Variants in RCAN2 observed in about 807,000 individuals in gnomAD.
The protein encoded by RCAN2 is regulator of calcineurin 2.
A neutral mutation model predicts 23.6 loss-of-function variants in RCAN2; 9 were observed. The observed-to-expected ratio is 0.38, with a 90% CI of 0.23 to 0.67. RCAN2 has a LOEUF of 0.67. Ranked by LOEUF, RCAN2 falls within the 30% of genes least tolerant of loss-of-function variation. The pLI, the probability that RCAN2 is intolerant of heterozygous loss-of-function variation, is 0.51. For synonymous variants in RCAN2, 109 were observed against 115.7 expected (o/e 0.94, Z 0.37); for missense variants, 273 against 302.3 (o/e 0.90, Z 0.72).
Position 46,247,050 on chromosome 6 carries a change from A to G in RCAN2, c.400-131T>C, listed in dbSNP as rs114374252. 0.012 allele frequency: 7,862 copies of G among 680,968 alleles called. 468 individuals are homozygous for G. The African/African-American group carries it at 0.12, about 11-fold the overall frequency. The allele number at this position is 680,968 out of a possible 1,614,324, so 42.2% of individuals were successfully genotyped here. On this transcript the variant is annotated intron_variant, in intron 3 of 4. Coordinates refer to ENST00000371374, the MANE Select transcript of RCAN2 (RefSeq NM_001251974.2). ...GATGAACCCGACCGTAATAATAATT[A>G]CCACTTACCACATACCATGTGCTCA...
intron 2 of RCAN2, among the ~76,000 whole-genome samples, chr6:46,315,479 G>A (rs988299634): frequency 4.6e-5 from 7 of 152,106 alleles, no homozygotes; most frequent in African/African-American, 1.4e-4. Flanking sequence ...CCAGAAGGAA[G>A]AAGATTCCAG....
chr6:46,329,392 C>A (rs1004279451), intron 2 of RCAN2, among the ~76,000 whole-genome samples: 4 of 152,146 alleles, frequency 2.6e-5, no homozygotes, highest in East Asian at 1.9e-4. Flanking sequence ...TCATTTATTT[C>A]TTTATGTGTC....
intron 2 of RCAN2, among the ~76,000 whole-genome samples, chr6:46,389,110 C>T (rs769160120): frequency 1.6e-4 from 25 of 152,074 alleles, no homozygotes; most frequent in Admixed American, 9.2e-4. Flanking sequence ...GCAGGTCAGA[C>T]GAATACTATC....
At chr6:46,278,408 A>AC (rs1561839815) in intron 2 of RCAN2, among the ~76,000 whole-genome samples, 5 of 151,782 alleles carry the variant, frequency 3.3e-5, no homozygotes, top group African/African-American at 1.2e-4. Flanking sequence ...CACAAAAAAA[A>AC]CCCACACACT....
At chr6:46,233,807 A>G (rs533961865) in intron 4 of RCAN2, among the ~76,000 whole-genome samples, 3 of 148,530 alleles carry the variant, frequency 2.0e-5, no homozygotes, top group African/African-American at 7.5e-5. Flanking sequence ...GGCTCACCGC[A>G]ACCTCTGCCT....
Position 46,235,763 on chromosome 6 carries a change from C to T in RCAN2, c.571+10985G>A, listed in dbSNP as rs79783823. 9.9e-5 allele frequency among the ~76,000 whole-genome samples: 15 copies of T among 152,272 alleles called. No individual in the cohort carries two copies. The East Asian group carries it at 2.9e-3, about 29-fold the overall frequency. On this transcript the variant is annotated intron_variant, in intron 4 of 4. Coordinates refer to ENST00000371374, the MANE Select transcript of RCAN2 (RefSeq NM_001251974.2). ...GTCAAACCTTCTCTGCATGCTCCTT[C>T]CCTACACACCCCTTGTTATAACCCT...
intron 2 of RCAN2, among the ~76,000 whole-genome samples, chr6:46,378,103 A>G (rs947443947): frequency 6.6e-6 from 1 of 152,206 alleles, no homozygotes; most frequent in African/African-American, 2.4e-5. Flanking sequence ...ATTTCTTGCA[A>G]TTAAGCTGAT....
intron 2 of RCAN2, among the ~76,000 whole-genome samples, chr6:46,321,199 C>G (rs1763602299): frequency 6.6e-6 from 1 of 152,210 alleles, no homozygotes; most frequent in African/African-American, 2.4e-5. Flanking sequence ...AGTGGCCATT[C>G]CTCCCCCATC....
chr6:46,330,620 C>T (rs73452287), intron 2 of RCAN2, among the ~76,000 whole-genome samples: 4,575 of 152,206 alleles, frequency 0.03, 208 homozygotes, highest in African/African-American at 0.1. Flanking sequence ...TCCTTTCTCC[C>T]CCTCTCCTTG....
chr6:46,302,842 G>T (rs1218523521), intron 2 of RCAN2, among the ~76,000 whole-genome samples: 3 of 151,938 alleles, frequency 2.0e-5, no homozygotes, highest in African/African-American at 7.2e-5. Context: ...CTGAGGAGTT[G>T]GTGACCTCCT....
At chr6:46,482,330 A>C (rs1008058785) in intron 1 of RCAN2, among the ~76,000 whole-genome samples, 1 of 152,152 alleles carries the variant, frequency 6.6e-6, no homozygotes, top group African/African-American at 2.4e-5. Flanking sequence ...AAAAGGAATA[A>C]TATCTCTTTG....
At chr6:46,247,473 G>A (rs1278626796) in intron 3 of RCAN2, among the ~76,000 whole-genome samples, 1 of 152,124 alleles carries the variant, frequency 6.6e-6, no homozygotes, top group Non-Finnish European at 1.5e-5. Context: ...TCTGCCTATT[G>A]CTACCAGTAC....
chr6:46,313,103 C>G (rs1206396290), intron 2 of RCAN2, among the ~76,000 whole-genome samples: 1 of 152,168 alleles, frequency 6.6e-6, no homozygotes, highest in Non-Finnish European at 1.5e-5. Context: ...TAGTGTAGGC[C>G]TCTTCCTTTC....
intron 2 of RCAN2, among the ~76,000 whole-genome samples, chr6:46,293,826 T>C (rs1762638271): frequency 6.6e-6 from 1 of 152,094 alleles, no homozygotes; most frequent in African/African-American, 2.4e-5. Flanking sequence ...AACTCTTGAG[T>C]GATTTTGAAA....
At chr6:46,414,258 C>G (rs1158580365) in intron 2 of RCAN2, among the ~76,000 whole-genome samples, 1 of 152,164 alleles carries the variant, frequency 6.6e-6, no homozygotes, top group Non-Finnish European at 1.5e-5. Context: ...GGAACAATAG[C>G]TGCCATTAGT....
At chr6:46,382,318 C>A (rs1561882826) in intron 2 of RCAN2, among the ~76,000 whole-genome samples, 1 of 152,136 alleles carries the variant, frequency 6.6e-6, no homozygotes, top group Non-Finnish European at 1.5e-5. Context: ...GTACCTTGTA[C>A]GTAATAAGAG....
intron 2 of RCAN2, among the ~76,000 whole-genome samples, chr6:46,343,301 A>G (rs1764385318): frequency 1.3e-5 from 2 of 152,244 alleles, no homozygotes; most frequent in East Asian, 3.9e-4. Context: ...GCAAAAGATG[A>G]CCTTCAAACA....
At chr6:46,362,923 G>A (rs1033114522) in intron 2 of RCAN2, among the ~76,000 whole-genome samples, 52 of 152,076 alleles carry the variant, frequency 3.4e-4, no homozygotes, top group African/African-American at 1.2e-3. Flanking sequence ...TTGAACTACC[G>A]TTTATTATAC....
chr6:46,453,976 A>G (rs1191368866), intron 2 of RCAN2, among the ~76,000 whole-genome samples: 1 of 152,260 alleles, frequency 6.6e-6, no homozygotes, highest in Non-Finnish European at 1.5e-5. Flanking sequence ...ACCCCCTGCT[A>G]TAATTCCAGG....
Sources: gnomAD v4.1 joint callset for allele counts (sites outside exome capture counted in the v4.1 genomes callset) on GRCh38, gnomAD v4.1.1 for gene constraint, MANE v1.5 for transcripts, NCBI Gene and HGNC (gene_info 2026-07-23, HGNC 2026-07-21) for gene names.